Variants in LOXL2 observed in about 807,000 individuals in gnomAD.
LOXL2 encodes lysyl oxidase like 2, also known as lysyl oxidase homolog 2.
LOXL2 carries 70 observed loss-of-function variants against 93.0 expected under a neutral mutation model. That is an observed-to-expected ratio of 0.75 (90% confidence interval 0.62 to 0.92). LOXL2 has a LOEUF of 0.92. Ranked by LOEUF, LOXL2 falls within the 40% of genes least tolerant of loss-of-function variation. The pLI is 0.00. For missense variants in LOXL2, 973 were observed against 1,054.9 expected, an observed-to-expected ratio of 0.92 and a Z score of 1.08; for synonymous variants, 438 against 413.2, an observed-to-expected ratio of 1.06 and a Z score of -0.73.
At chr8:23,323,915 T>C (rs1165293349) in intron 6 of LOXL2, among the ~76,000 whole-genome samples, 1 of 152,172 alleles carries the variant, frequency 6.6e-6, no homozygotes, top group Non-Finnish European at 1.5e-5. Flanking sequence ...TTGGCCAGGA[T>C]GGTCTCGATC....
Position 23,368,127 on chromosome 8 carries a change from G to C in LOXL2, c.225C>G (p.Tyr75Ter), listed in dbSNP as rs747273961. 1.9e-6 allele frequency: 3 copies of C among 1,614,144 alleles called. No homozygotes were observed. The highest frequency in any genetic ancestry group is 2.5e-6 in the Non-Finnish European group (3 of 1,180,042). ...RKHSEGRVEVYYDGQWGTVCD... is the reference protein window; with the variant it reads ...RKHSEGRVEV ...ACACGGTGCCCCACTGGCCATCATAGTACACCTCCACCCGGCCCTCGCTGT... is the reference window on the plus strand; with the variant it reads ...ACACGGTGCCCCACTGGCCATCATACTACACCTCCACCCGGCCCTCGCTGT... The change falls in exon 2 of 14, where the codon TAC becomes TAG. Residue 75 changes from tyrosine to a stop codon, truncating the protein, a stop_gained. Coordinates refer to ENST00000389131, the MANE Select transcript of LOXL2 (RefSeq NM_002318.3). LOFTEE classifies it high-confidence loss of function.
chr8:23,358,841 C>G (rs970374785), intron 3 of LOXL2, among the ~76,000 whole-genome samples: 9 of 140,496 alleles, frequency 6.4e-5, no homozygotes, highest in Non-Finnish European at 1.4e-4. Context: ...GCCCCAGTAC[C>G]TGCATTTTTT....
chr8:23,327,212 C>A (rs1454232682), intron 6 of LOXL2, among the ~76,000 whole-genome samples: 1 of 152,206 alleles, frequency 6.6e-6, no homozygotes, highest in African/African-American at 2.4e-5. Flanking sequence ...AAAGAACCAA[C>A]CAATGGCACT....
chr8:23,355,312 T>TC (rs113118759), intron 3 of LOXL2, among the ~76,000 whole-genome samples: 50,579 of 151,396 alleles, frequency 0.33, 8,913 homozygotes, highest in Middle Eastern at 0.4. Flanking sequence ...GAGAACCATC[T>TC]CCCCCCATAT....
At chr8:23,323,806 A>G (rs1803536839) in intron 6 of LOXL2, among the ~76,000 whole-genome samples, 1 of 152,104 alleles carries the variant, frequency 6.6e-6, no homozygotes, top group African/African-American at 2.4e-5. Context: ...GGTTCAAGCG[A>G]TTCTTCTGCC....
chr8:23,376,526 C>A (rs1804595722), intron 1 of LOXL2, among the ~76,000 whole-genome samples: 1 of 152,140 alleles, frequency 6.6e-6, no homozygotes, highest in Non-Finnish European at 1.5e-5. Context: ...ACCAGCTCCT[C>A]CTTGTACCTC....
intron 12 of LOXL2, among the ~76,000 whole-genome samples, chr8:23,300,276 C>A (rs1803108227): frequency 6.6e-6 from 1 of 152,246 alleles, no homozygotes; most frequent in Admixed American, 6.5e-5. Context: ...CCCCACTCAT[C>A]TACTGCAGAC....
intron 10 of LOXL2, among the ~76,000 whole-genome samples, chr8:23,307,584 G>A (rs1324511368): frequency 6.6e-6 from 1 of 152,178 alleles, no homozygotes; most frequent in African/African-American, 2.4e-5. Flanking sequence ...TATGGCACAG[G>A]GAGGTTCCTA....
At chr8:23,387,975 T>A (rs887016494) in intron 1 of LOXL2, among the ~76,000 whole-genome samples, 2 of 152,112 alleles carry the variant, frequency 1.3e-5, no homozygotes, top group Non-Finnish European at 2.9e-5. Flanking sequence ...AAAACTTTTT[T>A]AAGGAAAAAT....
chr8:23,306,604 G>A (rs1035761464), intron 10 of LOXL2, among the ~76,000 whole-genome samples: 2 of 152,244 alleles, frequency 1.3e-5, no homozygotes, highest in African/African-American at 4.8e-5. Context: ...AAGCTGAGCC[G>A]CACATGTGGT....
At chr8:23,338,633 C>A (rs1234158338) in intron 4 of LOXL2, among the ~76,000 whole-genome samples, 4 of 152,218 alleles carry the variant, frequency 2.6e-5, no homozygotes, top group Non-Finnish European at 5.9e-5. Flanking sequence ...CTGCCAGCAA[C>A]AGCAGCCACA....
chr8:23,388,723 T>G (rs1465328513), intron 1 of LOXL2, among the ~76,000 whole-genome samples: 4 of 151,364 alleles, frequency 2.6e-5, no homozygotes, highest in African/African-American at 9.7e-5. Context: ...AAAGCTTAAT[T>G]ATCTAAATAA....
chr8:23,400,074 T>G (rs1280391195), intron 1 of LOXL2, among the ~76,000 whole-genome samples: 1 of 152,204 alleles, frequency 6.6e-6, no homozygotes, highest in African/African-American at 2.4e-5. Flanking sequence ...CCACATGATC[T>G]GCCAAGAAAG....
intron 1 of LOXL2, among the ~76,000 whole-genome samples, chr8:23,397,488 T>C (rs767541220): frequency 6.6e-6 from 1 of 152,168 alleles, no homozygotes; most frequent in Non-Finnish European, 1.5e-5. Flanking sequence ...TTTAGAAATA[T>C]GCTTTTCCGG....
At chr8:23,373,586 C>A (rs1045351306) in intron 1 of LOXL2, among the ~76,000 whole-genome samples, 1 of 152,206 alleles carries the variant, frequency 6.6e-6, no homozygotes, top group African/African-American at 2.4e-5. Flanking sequence ...AAAGGTCACA[C>A]AGAGTGCTTG....
At chr8:23,311,554 G>T (rs550310554) in intron 9 of LOXL2, among the ~76,000 whole-genome samples, 12 of 152,336 alleles carry the variant, frequency 7.9e-5, no homozygotes, top group African/African-American at 2.9e-4. Flanking sequence ...CAAGGCGAGG[G>T]ATCGTTAATG....
At chr8:23,338,652 G>A (rs1393169925) in intron 4 of LOXL2, among the ~76,000 whole-genome samples, 1 of 152,224 alleles carries the variant, frequency 6.6e-6, no homozygotes, top group East Asian at 1.9e-4. Context: ...CAGGCTGTAG[G>A]AAGAGGGAAA....
chr8:23,343,279 G>A (rs905671200), intron 3 of LOXL2, among the ~76,000 whole-genome samples: 2 of 152,338 alleles, frequency 1.3e-5, no homozygotes, highest in Admixed American at 6.5e-5. Context: ...TATGTCAAGT[G>A]TCTTCCTTGC....
chr8:23,320,129 G>A, intron 7 of LOXL2, 77 bp from the exon 8 acceptor site: 1 of 1,468,984 alleles, frequency 6.8e-7, no homozygotes, highest in Non-Finnish European at 9.3e-7. Context: ...CAGCCCCAGT[G>A]TCCTGGAGTC....
Sources: gnomAD v4.1 joint callset for allele counts (sites outside exome capture counted in the v4.1 genomes callset) on GRCh38, gnomAD v4.1.1 for gene constraint, MANE v1.5 for transcripts, NCBI Gene and HGNC (gene_info 2026-07-23, HGNC 2026-07-21) for gene names.